The following ADAM18 variants were observed in gnomAD, a reference collection of about 807,000 sequenced individuals.
The protein encoded by ADAM18 is ADAM metallopeptidase domain 18.
A neutral mutation model predicts 94.4 loss-of-function variants in ADAM18; 117 were observed. That is an observed-to-expected ratio of 1.24 (90% CI 1.07 to 1.45). The LOEUF is 1.45. ADAM18 is among the 40% of genes most tolerant of loss of function. The probability of loss-of-function intolerance (pLI) is 0.00; values close to 1 mark genes in which losing one functional copy is unlikely to be tolerated. For synonymous variants in ADAM18, 327 were observed against 291.6 expected, an observed-to-expected ratio of 1.12 and a Z score of -1.24; for missense variants, 936 against 880.0, an observed-to-expected ratio of 1.06 and a Z score of -0.81.
In ADAM18 at chr8:39,723,720, A is replaced by G. The variant is rs763328566; in HGVS notation, c.2018-28A>G. 2.8e-6 allele frequency: 4 copies of G among 1,408,064 alleles called. No homozygotes were observed. The Admixed American group carries it at 1.1e-4, about 38-fold the overall frequency. The allele number at this position is 1,408,064 out of a possible 1,614,324, so 87.2% of individuals were successfully genotyped here. On this transcript the variant is annotated intron_variant, in intron 18 of 19. Coordinates refer to ENST00000265707, the MANE Select transcript of ADAM18 (RefSeq NM_014237.3). ...TTATTTAAATATCCACTGAGTCCCC[A>G]CTAATTTATCATATGATTCATTTCT...
At chr8:39,606,765 G>T (rs757453215) in intron 3 of ADAM18, among the ~76,000 whole-genome samples, 1 of 152,096 alleles carries the variant, frequency 6.6e-6, no homozygotes, top group Non-Finnish European at 1.5e-5. Context: ...GGGCAGGCGG[G>T]CTGAGTCCGA....
rs746413411 is a variant in ADAM18 at position 39,729,909 on chromosome 8, T to A, written c.2189T>A (p.Val730Asp). The A allele has an allele frequency of 1.2e-6, 2 of 1,613,446 alleles. No individual in the cohort carries two copies. Among genetic ancestry groups the A allele is most frequent in the Non-Finnish European group, 1.7e-6 (2 of 1,179,502 alleles). The change falls in exon 20 of 20, where the codon GTT becomes GAT. Residue 730 changes from valine to aspartate, a missense_variant. Physicochemically the swap from Val to Asp is radical, Grantham distance 152 (BLOSUM62 -3). Transcript: ENST00000265707. ...TTTCTTCACTATAGTAATTCATCCG[T>A]TGTATCAGAAAGCGATGACGTGGGA... ...ENAEYNRNSS[V>D]VSESDDVGH
chr8:39,610,652 T>C lies in ADAM18; in HGVS notation c.468T>C (p.Asn156=). Residue 156 remains asparagine, a synonymous_variant, in exon 6 of 20, where the codon AAT becomes AAC. Coordinates refer to ENST00000265707, the MANE Select transcript of ADAM18 (RefSeq NM_014237.3). ...CAAATGTATCCATTTTAGCAGTAAA[T>C]TACAGTCATATTTGGCAGAAAGACC... ...NDPNVSILAV[N]YSHIWQKDQP... is the part of the protein sequence containing the mutation. The C allele has an allele frequency of 1.2e-6, 2 of 1,613,186 alleles. No individual in the cohort carries two copies. Among genetic ancestry groups the C allele is most frequent in the Non-Finnish European group, 1.7e-6 (2 of 1,179,432 alleles).
At chr8:39,666,731 A>G (rs1011543591) in intron 13 of ADAM18, among the ~76,000 whole-genome samples, 10 of 152,184 alleles carry the variant, frequency 6.6e-5, no homozygotes, top group Admixed American at 1.3e-4. Context: ...ATTCACTATC[A>G]TGAGAATAGC....
At chr8:39,714,527 C>A (rs1822514537) in intron 18 of ADAM18, among the ~76,000 whole-genome samples, 1 of 152,028 alleles carries the variant, frequency 6.6e-6, no homozygotes, top group African/African-American at 2.4e-5. Context: ...AAGAAGCACC[C>A]TTTAAATGTA....
At chr8:39,647,901 A>G (rs909001366) in intron 11 of ADAM18, among the ~76,000 whole-genome samples, 8 of 152,198 alleles carry the variant, frequency 5.3e-5, no homozygotes, top group Admixed American at 1.3e-4. Context: ...CAGCAAAGCA[A>G]TTGTTTAAGG....
intron 6 of ADAM18, among the ~76,000 whole-genome samples, chr8:39,624,864 A>G (rs1819718496): frequency 6.6e-6 from 1 of 152,144 alleles, no homozygotes; most frequent in Admixed American, 6.5e-5. Flanking sequence ...GCCTTCCACC[A>G]TGATTGAAAG....
chr8:39,703,862 C>A (rs1822155292), intron 17 of ADAM18, among the ~76,000 whole-genome samples: 1 of 151,922 alleles, frequency 6.6e-6, no homozygotes, highest in Non-Finnish European at 1.5e-5. Flanking sequence ...TACACACAAT[C>A]AGAAATGATA....
rs555708895 is a variant in ADAM18, at chr8:39,653,311, TA to T, written c.1230+4792del. Among the ~76,000 whole-genome samples, 9 of 151,826 alleles carry T rather than the reference TA, an allele frequency of 5.9e-5. No individual in the cohort carries two copies. The East Asian group carries it at 9.6e-4, about 16-fold the overall frequency. On this transcript the variant is annotated intron_variant, in intron 12 of 19. Transcript: ENST00000265707. ...GTCGATTTTTTAAAAAATGTATTTT[TA>T]AAAAAAACAACAATAATGGTCATTA...
chr8:39,595,584 G>T (rs1003415698), intron 2 of ADAM18, among the ~76,000 whole-genome samples: 1 of 152,144 alleles, frequency 6.6e-6, no homozygotes, highest in Non-Finnish European at 1.5e-5. Context: ...ACAGTGGCAT[G>T]ATCTCAGCTC....
At chr8:39,692,204 A>G (rs1821801069) in intron 16 of ADAM18, among the ~76,000 whole-genome samples, 1 of 151,848 alleles carries the variant, frequency 6.6e-6, no homozygotes, top group South Asian at 2.1e-4. Flanking sequence ...CCTAAACAAA[A>G]TGATTTCTGT....
intron 18 of ADAM18, 52 bp from the exon 19 acceptor site, chr8:39,723,692 AATTT>A: frequency 8.1e-7 from 1 of 1,234,854 alleles, no homozygotes; most frequent in Middle Eastern, 2.5e-4. Flanking sequence ...AAAAAATATA[AATTT>A]ATTTAAATAT....
At chr8:39,646,170 T>A (rs1014118446) in intron 11 of ADAM18, among the ~76,000 whole-genome samples, 1 of 152,140 alleles carries the variant, frequency 6.6e-6, no homozygotes, top group Non-Finnish European at 1.5e-5. Context: ...AGAACCTCTG[T>A]CATCTCAGAT....
rs527852989 is a variant in ADAM18 at position 39,669,226 on chromosome 8, C to T, written c.1525+1030C>T. On this transcript the variant is annotated intron_variant, in intron 14 of 19. Coordinates refer to ENST00000265707, the MANE Select transcript of ADAM18 (RefSeq NM_014237.3). Reference sequence around the variant, plus strand: ...ATTTTTTAATTAAAAAAAACTTCAACCTAGAATTCATTTACTTGACACATG... The same window carrying T: ...ATTTTTTAATTAAAAAAAACTTCAATCTAGAATTCATTTACTTGACACATG... Among the ~76,000 whole-genome samples, 345 of 151,028 alleles carry T rather than the reference C, an allele frequency of 2.3e-3. 6 individuals are homozygous for T. Among genetic ancestry groups the T allele is most frequent in the Admixed American group, 6.6e-3 (101 of 15,204 alleles).
Position 39,663,804 on chromosome 8 carries a change from T to C in ADAM18, c.1240T>C (p.Phe414Leu), listed in dbSNP as rs761786716. The C allele has an allele frequency of 8.7e-6, 14 of 1,610,516 alleles. No homozygotes were observed. In the South Asian group the frequency reaches 1.4e-4, roughly 17 times the overall value. The part of the protein sequence containing the change: ...CDCGNKNECQ[F>L]KKCCDYNTCK... ...TCCTGTAAAATTTTAGGAATGTCAA[T>C]TTAAGAAGTGCTGTGATTATAACAC... Residue 414 changes from phenylalanine (F) to leucine (L), a missense_variant, in exon 13 of 20, where the codon TTT becomes CTT. By Grantham distance (22) the Phe-to-Leu change is conservative (BLOSUM62 0). Transcript: ENST00000265707.
At chr8:39,728,300 G>A (rs1586022587) in intron 19 of ADAM18, among the ~76,000 whole-genome samples, 2 of 152,124 alleles carry the variant, frequency 1.3e-5, no homozygotes, top group African/African-American at 2.4e-5. Flanking sequence ...ATCCTAACCA[G>A]TCAAAGAAAA....
At chr8:39,714,816 A>G (rs749550902) in intron 18 of ADAM18, among the ~76,000 whole-genome samples, 22 of 152,262 alleles carry the variant, frequency 1.4e-4, no homozygotes, top group Non-Finnish European at 2.8e-4. Context: ...ATCTTTTCTC[A>G]TCAATATTAT....
chr8:39,648,414 GA>G lies in ADAM18; in HGVS notation c.1118del (p.Glu373GlyfsTer53). 3 of 1,613,044 alleles carry G rather than the reference GA, an allele frequency of 1.9e-6. No individual in the cohort carries two copies. Among genetic ancestry groups the G allele is most frequent in the Non-Finnish European group, 2.5e-6 (3 of 1,179,514 alleles). ...CTATAGATATTTTGTTTCAAAATTTGAGACTAAATGCCTTCAGAAGCTTTCA... is the reference window on the plus strand; with the variant it reads ...CTATAGATATTTTGTTTCAAAATTTGGACTAAATGCCTTCAGAAGCTTTCA... ...HDYRYFVSKF[E>X]TKCLQKLSNL... On this transcript the variant is annotated frameshift_variant, in exon 12 of 20. Transcript: ENST00000265707. LOFTEE classifies it high-confidence loss of function.
intron 18 of ADAM18, among the ~76,000 whole-genome samples, chr8:39,708,945 C>T (rs1563315802): frequency 6.6e-6 from 1 of 152,214 alleles, no homozygotes; most frequent in Non-Finnish European, 1.5e-5. Context: ...CTCCAGAGGG[C>T]ATGTTACAGT....
Sources: gnomAD v4.1 joint callset for allele counts (sites outside exome capture counted in the v4.1 genomes callset) on GRCh38, gnomAD v4.1.1 for gene constraint, MANE v1.5 for transcripts, NCBI Gene and HGNC (gene_info 2026-07-23, HGNC 2026-07-21) for gene names.